MCOLN2: variants seen among roughly 807,000 people sequenced by gnomAD.
MCOLN2 encodes the protein mucolipin-2.
A neutral mutation model predicts 67.5 loss-of-function variants in MCOLN2; 57 were observed. The observed-to-expected ratio is 0.84, with a 90% confidence interval of 0.68 to 1.05. The LOEUF is 1.05. Among genes scored for constraint, MCOLN2 ranks in the 50% least tolerant of loss-of-function variants. MCOLN2 has a pLI of 0.00. For synonymous variants in MCOLN2, 246 were observed against 233.3 expected, an observed-to-expected ratio of 1.05 and a Z score of -0.50; for missense variants, 620 against 678.8, an observed-to-expected ratio of 0.91 and a Z score of 0.96.
rs377754033 is a variant in MCOLN2, at chr1:84,952,488, G to A, written c.608C>T (p.Pro203Leu). 4.1e-5 allele frequency: 66 copies of A among 1,613,152 alleles called. 2 individuals are homozygous for A. The highest frequency in any genetic ancestry group is 3.5e-4 in the South Asian group (32 of 91,058). Residue 203 changes from proline to leucine, a missense_variant, in exon 5 of 14, where the codon CCG becomes CTG. Pro to Leu is a moderately conservative substitution (Grantham distance 98, BLOSUM62 -3). Coordinates refer to ENST00000370608, the MANE Select transcript of MCOLN2 (RefSeq NM_153259.4). The part of the protein sequence containing the change: ...LDLQDLSKKP[P>L]DWKNSSFFRL... ...GAAGAATGATGAGTTCTTCCAGTCC[G>A]GAGGCTTCTTGGAGAGGTCCTGAAG...
At chr1:84,983,966 G>C (rs7549346) in intron 1 of MCOLN2, among the ~76,000 whole-genome samples, 66,356 of 151,986 alleles carry the variant, frequency 0.44, 15,240 homozygotes, top group East Asian at 0.63. Context: ...GAGCCACTGC[G>C]CCCAGCCCTA....
chr1:84,926,869 G>C (rs1015832241), intron 13 of MCOLN2, 148 bp from the exon 14 acceptor site: 1 of 459,102 alleles, frequency 2.2e-6, no homozygotes, highest in Non-Finnish European at 3.7e-6. Flanking sequence ...AGACAGGCAA[G>C]GTATTCTGAT....
intron 5 of MCOLN2, 41 bp from the exon 6 acceptor site, chr1:84,952,380 T>C: frequency 1.9e-6 from 3 of 1,570,574 alleles, no homozygotes; most frequent in Non-Finnish European, 2.6e-6. Flanking sequence ...GTCATAATCT[T>C]ACTATATACT....
chr1:84,936,035 G>A (rs55873701), intron 11 of MCOLN2, among the ~76,000 whole-genome samples: 2 of 152,020 alleles, frequency 1.3e-5, no homozygotes, highest in Non-Finnish European at 2.9e-5. Flanking sequence ...GAGTCAGGCC[G>A]ACCTGGGTTT....
intron 11 of MCOLN2, among the ~76,000 whole-genome samples, chr1:84,934,752 G>T (rs932032955): frequency 6.6e-6 from 1 of 152,216 alleles, no homozygotes; most frequent in Non-Finnish European, 1.5e-5. Context: ...TCAAGATGAG[G>T]TCTGGAAGAA....
Position 84,995,203 on chromosome 1 carries a change from A to G in MCOLN2, c.77+1593T>C, listed in dbSNP as rs192316725. Among the ~76,000 whole-genome samples the G allele has an allele frequency of 8.0e-3, 1,211 of 152,304 alleles. 13 individuals carry two copies. The highest frequency in any genetic ancestry group is 0.022 in the African/African-American group (903 of 41,542). ...ACAGATATAATAATAATGATGAAAA[A>G]GTTTGAAATATTGAGAGAATTGCCA... On this transcript the variant is annotated intron_variant, in intron 1 of 13. Transcript: ENST00000370608.
chr1:84,928,815 T>C (rs11161488), intron 13 of MCOLN2, among the ~76,000 whole-genome samples: 35,781 of 152,170 alleles, frequency 0.24, 5,172 homozygotes, highest in East Asian at 0.39. Flanking sequence ...AAATGCATCC[T>C]GTGGTTTTAA....
intron 1 of MCOLN2, among the ~76,000 whole-genome samples, chr1:84,992,280 T>C (rs1650929484): frequency 6.6e-6 from 1 of 152,148 alleles, no homozygotes. Context: ...ATTACAGAGA[T>C]GTATTCAAGG....
chr1:84,947,108 TG>T lies in MCOLN2; in HGVS notation c.771del (p.His257GlnfsTer21). On this transcript the variant is annotated frameshift_variant, in exon 7 of 14. Transcript: ENST00000370608. LOFTEE classifies it high-confidence loss of function. ...QNTIIFDNKAHSGKIKIYFDS... is the reference protein window; with the variant it reads ...QNTIIFDNKAXSGKIKIYFDS... ...TCAAAATAGATTTTGATTTTGCCACTGTGAGCTTTATTGTCAAAGATAATCT... is the reference window on the plus strand; with the variant it reads ...TCAAAATAGATTTTGATTTTGCCACTTGAGCTTTATTGTCAAAGATAATCT... The T allele has an allele frequency of 1.9e-6, 3 of 1,589,778 alleles. No homozygotes were observed. The highest frequency in any genetic ancestry group is 8.6e-7 in the Non-Finnish European group (1 of 1,158,540).
At chr1:84,963,213 A>C (rs893209596) in intron 2 of MCOLN2, among the ~76,000 whole-genome samples, 1 of 152,300 alleles carries the variant, frequency 6.6e-6, no homozygotes, top group East Asian at 1.9e-4. Context: ...ACAGGATTGC[A>C]ATGAGGATGA....
chr1:84,995,237 CAT>C (rs1651086693), intron 1 of MCOLN2, among the ~76,000 whole-genome samples: 1 of 143,886 alleles, frequency 6.9e-6, no homozygotes, highest in East Asian at 2.2e-4. Context: ...CACAATGTGA[CAT>C]AGAGACACAA....
intron 1 of MCOLN2, among the ~76,000 whole-genome samples, chr1:84,972,832 T>C (rs1051260386): frequency 6.6e-6 from 1 of 152,216 alleles, no homozygotes; most frequent in African/African-American, 2.4e-5. Flanking sequence ...TAAACCCCTA[T>C]GAGAACAGAA....
At chr1:84,964,229 AC>A (rs1171516193) in intron 2 of MCOLN2, among the ~76,000 whole-genome samples, 1 of 151,930 alleles carries the variant, frequency 6.6e-6, no homozygotes, top group African/African-American at 2.4e-5. Context: ...TATACTGAAA[AC>A]CTCTTTATGA....
intron 9 of MCOLN2, 72 bp downstream of exon 9, chr1:84,939,481 G>A (rs373373426): frequency 6.9e-7 from 1 of 1,449,696 alleles, no homozygotes; most frequent in Non-Finnish European, 9.6e-7. Context: ...TCCAAAGGAT[G>A]GTACGTCTTA....
Position 84,990,297 on chromosome 1 carries a change from C to CAAAA in MCOLN2, c.77+6495_77+6498dup, listed in dbSNP as rs34226507. Among the ~76,000 whole-genome samples the CAAAA allele has an allele frequency of 4.0e-4, 14 of 34,986 alleles. 1 individual carries two copies. The highest frequency in any genetic ancestry group is 5.5e-4 in the African/African-American group (5 of 9,068). The allele number at this position is 34,986 out of a possible 152,430, so 23.0% of individuals were successfully genotyped here. ...TGGGCAACAGAATGAGACTCCATCT[C>CAAAA]AAAAAAAAAAAAAAAAAAAAAAAAA... On this transcript the variant is annotated intron_variant, in intron 1 of 13. Coordinates refer to ENST00000370608, the MANE Select transcript of MCOLN2 (RefSeq NM_153259.4).
chr1:84,993,616 T>TA (rs33976700), intron 1 of MCOLN2, among the ~76,000 whole-genome samples: 2 of 144,850 alleles, frequency 1.4e-5, no homozygotes, highest in East Asian at 2.0e-4. Flanking sequence ...TCTTAAATAA[T>TA]GTCTTTTTTT....
At position 84,940,933 on chromosome 1, in the gene MCOLN2, C is replaced by A; in HGVS notation, c.906G>T (p.Leu302Phe). 1.2e-6 allele frequency: 2 copies of A among 1,613,640 alleles called. No homozygotes were observed. Among genetic ancestry groups the A allele is most frequent in the South Asian group, 2.2e-5 (2 of 91,020 alleles). Residue 302 changes from leucine to phenylalanine, a missense_variant, in exon 8 of 14, where the codon TTG (leucine) becomes TTT (phenylalanine). Coordinates refer to ENST00000370608, the MANE Select transcript of MCOLN2 (RefSeq NM_153259.4). ...VFDAFVIVICLASLILCTRSI... is the reference protein window; with the variant it reads ...VFDAFVIVICFASLILCTRSI... ...ATCTTGTACACAGAATAAGAGATGC[C>A]AAGCAAATCACAATGACAAATGCAT...
intron 4 of MCOLN2, among the ~76,000 whole-genome samples, chr1:84,955,647 T>A (rs1482195867): frequency 6.6e-6 from 1 of 152,102 alleles, no homozygotes; most frequent in Admixed American, 6.5e-5. Flanking sequence ...ACCACTGCGG[T>A]TTCTGCAGGG....
chr1:84,964,303 G>T (rs79787871), intron 2 of MCOLN2, among the ~76,000 whole-genome samples: 7,809 of 152,106 alleles, frequency 0.051, 284 homozygotes, highest in Non-Finnish European at 0.077. Context: ...AAAACTAAAG[G>T]TATTTTTAAG....
Sources: gnomAD v4.1 joint callset for allele counts (sites outside exome capture counted in the v4.1 genomes callset) on GRCh38, gnomAD v4.1.1 for gene constraint, MANE v1.5 for transcripts, NCBI Gene and HGNC (gene_info 2026-07-23, HGNC 2026-07-21) for gene names.